Variants in TANGO2 observed in about 807,000 individuals in gnomAD.
The protein encoded by TANGO2 is transport and golgi organization 2 homolog.
A neutral mutation model predicts 39.1 loss-of-function variants in TANGO2; 26 were observed. That is an observed-to-expected ratio of 0.67 (90% CI 0.49 to 0.92). The LOEUF is 0.92. Among genes scored for constraint, TANGO2 ranks in the 40% least tolerant of loss-of-function variants. The pLI is 0.00. For synonymous variants in TANGO2, 131 were observed against 144.5 expected (o/e 0.91, Z 0.67); for missense variants, 326 against 360.1 (o/e 0.91, Z 0.77).
intron 5 of TANGO2, chr22:20,054,142 CCT>C: frequency 4.0e-6 from 1 of 247,624 alleles, no homozygotes; most frequent in South Asian, 4.2e-5. Context: ...GGTCCATGGG[CCT>C]CTCTCCTGGC....
intron 1 of TANGO2, among the ~76,000 whole-genome samples, chr22:20,028,506 C>T (rs1403093774): frequency 1.3e-5 from 2 of 152,226 alleles, no homozygotes; most frequent in African/African-American, 2.4e-5. Flanking sequence ...ATGGGTCCCA[C>T]CAGCCTCCAG....
chr22:20,063,111 G>A, intron 7 of TANGO2: 3 of 494,858 alleles, frequency 6.1e-6, no homozygotes, highest in South Asian at 5.8e-5. Flanking sequence ...AGCCAAGATC[G>A]TACCATTGCG....
At chr22:20,051,211 C>G (rs779725522) in intron 3 of TANGO2, among the ~76,000 whole-genome samples, 1 of 151,548 alleles carries the variant, frequency 6.6e-6, no homozygotes, top group Non-Finnish European at 1.5e-5. Context: ...TTTTCTTTTT[C>G]TGTTATAATT....
Position 20,062,612 on chromosome 22 carries a change from G to A in TANGO2, c.606-726G>A, listed in dbSNP as rs868396744. On this transcript the variant is annotated intron_variant, in intron 7 of 8. Transcript: ENST00000327374. Reference sequence around the variant, plus strand: ...AGCCCCCATCAATGTGCCATCTGGGGCAGGCCGAGGACCGGCCCTGGCTGC... The same window carrying A: ...AGCCCCCATCAATGTGCCATCTGGGACAGGCCGAGGACCGGCCCTGGCTGC... Among the ~76,000 whole-genome samples, 5 of 152,378 alleles carry A rather than the reference G, an allele frequency of 3.3e-5. No homozygotes were observed. The Middle Eastern group carries it at 0.01, about 311-fold the overall frequency.
chr22:20,064,195 G>C (rs2048892182), intron 8 of TANGO2, among the ~76,000 whole-genome samples: 1 of 152,232 alleles, frequency 6.6e-6, no homozygotes, highest in Non-Finnish European at 1.5e-5. Flanking sequence ...AAGCATGGCT[G>C]TGTCTGGGAA....
chr22:20,038,161 A>T (rs534836606), intron 2 of TANGO2, among the ~76,000 whole-genome samples: 1 of 152,316 alleles, frequency 6.6e-6, no homozygotes, highest in East Asian at 1.9e-4. Context: ...TCAGATACGC[A>T]CAGGGGAAGC....
intron 6 of TANGO2, chr22:20,056,666 C>T: frequency 2.2e-6 from 1 of 456,682 alleles, no homozygotes; most frequent in Non-Finnish European, 4.4e-6. Context: ...TCACATTGCC[C>T]CCCTCTGCAG....
intron 1 of TANGO2, among the ~76,000 whole-genome samples, chr22:20,036,151 A>C (rs2042808696): frequency 6.6e-6 from 1 of 152,194 alleles, no homozygotes; most frequent in East Asian, 1.9e-4. Context: ...AACAAAATAC[A>C]GCAAGACAAG....
intron 1 of TANGO2, among the ~76,000 whole-genome samples, chr22:20,030,751 C>T (rs998313423): frequency 6.6e-6 from 1 of 152,172 alleles, no homozygotes; most frequent in African/African-American, 2.4e-5. Flanking sequence ...AGGCGTGAGC[C>T]ACCTCGCCCA....
At chr22:20,037,694 G>A (rs1205376912) in intron 2 of TANGO2, among the ~76,000 whole-genome samples, 1 of 152,142 alleles carries the variant, frequency 6.6e-6, no homozygotes, top group Non-Finnish European at 1.5e-5. Flanking sequence ...GGTCCCAGCA[G>A]CAGACAGCAT....
upstream of TANGO2, among the ~76,000 whole-genome samples, chr22:20,017,524 G>A (rs982931869): frequency 3.3e-5 from 5 of 152,142 alleles, no homozygotes; most frequent in African/African-American, 1.2e-4. Flanking sequence ...AGACCTCTTG[G>A]GCTTGTCCCA....
At chr22:20,029,240 C>A (rs1455835210) in intron 1 of TANGO2, among the ~76,000 whole-genome samples, 2 of 152,104 alleles carry the variant, frequency 1.3e-5, no homozygotes, top group Non-Finnish European at 2.9e-5. Context: ...AGGGGAGGAG[C>A]CCTAGGCTGG....
intron 3 of TANGO2, among the ~76,000 whole-genome samples, chr22:20,044,936 G>A (rs553049116): frequency 6.6e-6 from 1 of 152,318 alleles, no homozygotes; most frequent in Admixed American, 6.5e-5. Context: ...CAGTCTTGTG[G>A]AATTGTTCAC....
intron 1 of TANGO2, among the ~76,000 whole-genome samples, chr22:20,032,955 G>T (rs2042142877): frequency 6.6e-6 from 1 of 152,208 alleles, no homozygotes; most frequent in South Asian, 2.1e-4. Context: ...TTGGAATGCT[G>T]TGGTGGGCCT....
chr22:20,038,083 C>A (rs1389024516), intron 2 of TANGO2, among the ~76,000 whole-genome samples: 1 of 151,954 alleles, frequency 6.6e-6, no homozygotes, highest in Non-Finnish European at 1.5e-5. Context: ...AGCGAGACTG[C>A]ATCTCAAAAA....
chr22:20,056,669 C>T (rs1266335793), intron 6 of TANGO2: 3 of 456,696 alleles, frequency 6.6e-6, no homozygotes, highest in Non-Finnish European at 1.3e-5. Flanking sequence ...CATTGCCCCC[C>T]TCTGCAGCCA....
chr22:20,034,224 C>G (rs775632076), intron 1 of TANGO2, among the ~76,000 whole-genome samples: 1 of 152,014 alleles, frequency 6.6e-6, no homozygotes, highest in Non-Finnish European at 1.5e-5. Flanking sequence ...AACCGAGTTC[C>G]TTTTGCTGCT....
chr22:20,022,640 G>A (rs1005160159), intron 1 of TANGO2, among the ~76,000 whole-genome samples: 1 of 152,240 alleles, frequency 6.6e-6, no homozygotes, highest in Admixed American at 6.5e-5. Flanking sequence ...ATTACGTTTT[G>A]CAGTGTGTGG....
chr22:20,045,131 G>A (rs1391440124), intron 3 of TANGO2, among the ~76,000 whole-genome samples: 1 of 152,154 alleles, frequency 6.6e-6, no homozygotes, highest in Admixed American at 6.6e-5. Context: ...AGCTTTACTT[G>A]AGAACTTGTT....
Sources: gnomAD v4.1 joint callset for allele counts (sites outside exome capture counted in the v4.1 genomes callset) on GRCh38, gnomAD v4.1.1 for gene constraint, MANE v1.5 for transcripts, NCBI Gene and HGNC (gene_info 2026-07-23, HGNC 2026-07-21) for gene names.